TMEM14B: variants seen among roughly 807,000 people sequenced by gnomAD.
The protein encoded by TMEM14B is transmembrane protein 14B.
Under a neutral mutation model 14.8 loss-of-function variants are expected in TMEM14B, and 9 were observed. The observed-to-expected ratio is 0.61, with a 90% CI of 0.37 to 1.06. TMEM14B has a LOEUF of 1.06. Among genes scored for constraint, TMEM14B ranks in the 50% least tolerant of loss-of-function variants. TMEM14B has a pLI of 0.01. For missense variants in TMEM14B, 128 were observed against 143.6 expected (o/e 0.89, Z 0.56); for synonymous variants, 40 against 51.3 (o/e 0.78, Z 0.94).
At chr6:10,751,282 T>C (rs1771554467) in intron 4 of TMEM14B, 48 bp downstream of exon 4, 4 of 1,599,722 alleles carry the variant, frequency 2.5e-6, no homozygotes, top group Admixed American at 1.7e-5. Context: ...ATCTGGAATA[T>C]TCTTTTCCAA....
In TMEM14B at chr6:10,756,538, T is replaced by C; in HGVS notation, c.*20T>C. The C allele has an allele frequency of 6.2e-7, 1 of 1,611,354 alleles. No homozygotes were observed. The highest frequency in any genetic ancestry group is 8.5e-7 in the Non-Finnish European group (1 of 1,179,000). ...GATTAGCAGAAGTCATGTTCCAGCTTGGACTCATGAAGGATTAAAAATCTG... is the reference window on the plus strand; with the variant it reads ...GATTAGCAGAAGTCATGTTCCAGCTCGGACTCATGAAGGATTAAAAATCTG... On this transcript the variant is annotated 3_prime_UTR_variant, in exon 6 of 6. Transcript: ENST00000379542.
At chr6:10,750,601 C>T (rs1435066946) in intron 3 of TMEM14B, among the ~76,000 whole-genome samples, 1 of 152,008 alleles carries the variant, frequency 6.6e-6, no homozygotes, top group Non-Finnish European at 1.5e-5. Flanking sequence ...GGACGAATTC[C>T]TGGGAACTGC....
At chr6:10,757,014 C>T (rs1030286638), downstream of TMEM14B, 2 of 976,766 alleles carry the variant, frequency 2.0e-6, no homozygotes, top group African/African-American at 3.5e-5. Flanking sequence ...CAGAGCTGGT[C>T]TAGTTCATAG....
rs755684722 is a variant in TMEM14B at position 10,755,214 on chromosome 6, G to A, written c.275G>A (p.Gly92Asp). ...TACTATGGAAAATTCATGCCTGTAG[G>A]TTTAATTGCAGGTGCCAGGTACTTT... is the stretch of plus-strand genomic sequence containing the variant. Reference protein sequence around the residue: ...SYYYGKFMPVGLIAGASLLMA... With the variant: ...SYYYGKFMPVDLIAGASLLMA... The change falls in exon 5 of 6, where the codon GGT (glycine) becomes GAT (aspartate). Residue 92 changes from glycine to aspartate, a missense_variant. Physicochemically the swap from Gly to Asp is moderately conservative, Grantham distance 94 (BLOSUM62 -1). Transcript: ENST00000379542. 4 of 1,614,188 alleles carry A rather than the reference G, an allele frequency of 2.5e-6. No individual in the cohort carries two copies. The highest frequency in any genetic ancestry group is 3.3e-5 in the Admixed American group (2 of 60,018).
chr6:10,748,761 A>C (rs1771433132), intron 1 of TMEM14B, among the ~76,000 whole-genome samples: 1 of 152,190 alleles, frequency 6.6e-6, no homozygotes, highest in South Asian at 2.1e-4. Flanking sequence ...GTTTCTAAAA[A>C]AAAAAATTGA....
chr6:10,753,851 C>T (rs963223478), intron 4 of TMEM14B, among the ~76,000 whole-genome samples: 6 of 151,964 alleles, frequency 3.9e-5, no homozygotes, highest in African/African-American at 1.5e-4. Flanking sequence ...GCACAGCCAT[C>T]GTCCTAGTCC....
intron 5 of TMEM14B, among the ~76,000 whole-genome samples, chr6:10,756,079 G>C (rs937327761): frequency 1.3e-5 from 2 of 152,188 alleles, no homozygotes; most frequent in African/African-American, 4.8e-5. Flanking sequence ...GATGCTGCCA[G>C]TATAATATTT....
chr6:10,753,468 C>G (rs891311108), intron 4 of TMEM14B, among the ~76,000 whole-genome samples: 2 of 152,180 alleles, frequency 1.3e-5, no homozygotes, highest in South Asian at 2.1e-4. Context: ...TTTATCCTCT[C>G]ATTCTCTTTT....
intron 4 of TMEM14B, 142 bp downstream of exon 4, chr6:10,751,376 A>G (rs1259998326): frequency 3.4e-6 from 3 of 889,626 alleles, no homozygotes; most frequent in Non-Finnish European, 5.1e-6. Flanking sequence ...CAAGTCCTCA[A>G]AGTTTTAAAA....
chr6:10,753,855 C>G lies in TMEM14B; in HGVS notation c.203-1287C>G, dbSNP rs570578130. On this transcript the variant is annotated intron_variant, in intron 4 of 5. Transcript: ENST00000379542. The stretch of plus-strand genomic sequence containing the variant: ...CTTTTTCATCTGCACAGCCATCGTC[C>G]TAGTCCCAGTTATCCCCTCTTTCTT... 6.6e-5 allele frequency among the ~76,000 whole-genome samples: 10 copies of G among 152,076 alleles called. 1 individual carries two copies. Among genetic ancestry groups the G allele is most frequent in the African/African-American group, 2.4e-4 (10 of 41,342 alleles).
chr6:10,748,268 G>A lies in TMEM14B; in HGVS notation c.-45+387G>A, dbSNP rs558328085. ...TCTTTCTTTTTTTGGGGGGTGGGGA[G>A]GGGTTCTCGCTGTGTCGCCCAGCCT... is the stretch of plus-strand genomic sequence containing the variant. On this transcript the variant is annotated intron_variant, in intron 1 of 5. Coordinates refer to ENST00000379542, the MANE Select transcript of TMEM14B (RefSeq NM_030969.5). Among the ~76,000 whole-genome samples the A allele has an allele frequency of 3.9e-5, 6 of 152,124 alleles. No homozygotes were observed. In the East Asian group the frequency reaches 1.2e-3, roughly 29 times the overall value.
chr6:10,754,404 G>C (rs969030916), intron 4 of TMEM14B, among the ~76,000 whole-genome samples: 6 of 152,160 alleles, frequency 3.9e-5, no homozygotes, highest in African/African-American at 1.4e-4. Context: ...CTTTTAGGGT[G>C]AATGTGCCAT....
At chr6:10,757,960 C>T (rs1771861267), downstream of TMEM14B, among the ~76,000 whole-genome samples, 1 of 150,126 alleles carries the variant, frequency 6.7e-6, no homozygotes, top group Non-Finnish European at 1.5e-5. Flanking sequence ...CACTGCACTC[C>T]AACCTGGGCG....
chr6:10,757,492 A>AG (rs1187398209), downstream of TMEM14B, among the ~76,000 whole-genome samples: 2 of 152,182 alleles, frequency 1.3e-5, no homozygotes, highest in Non-Finnish European at 2.9e-5. Context: ...AAAAAGAAGA[A>AG]GAAAAAAAGT....
intron 5 of TMEM14B, chr6:10,755,563 G>T: frequency 7.8e-7 from 1 of 1,285,562 alleles, no homozygotes; most frequent in Non-Finnish European, 9.8e-7. Flanking sequence ...TAGGTGTGTA[G>T]GTGTCTTTTG....
In TMEM14B at chr6:10,755,124, T is replaced by G; in HGVS notation, c.203-18T>G. On this transcript the variant is annotated intron_variant, in intron 4 of 5. Transcript: ENST00000379542. ...TAGAAGACTAATGAGTTTTGACCCTTCTTTGTATCTTTTTCAGCCGCTACA... is the reference window on the plus strand; with the variant it reads ...TAGAAGACTAATGAGTTTTGACCCTGCTTTGTATCTTTTTCAGCCGCTACA... 1.9e-6 allele frequency: 3 copies of G among 1,612,710 alleles called. No individual in the cohort carries two copies. Among genetic ancestry groups the G allele is most frequent in the Non-Finnish European group, 1.7e-6 (2 of 1,179,878 alleles).
chr6:10,757,799 TG>T (rs2127497403), downstream of TMEM14B, among the ~76,000 whole-genome samples: 1 of 152,222 alleles, frequency 6.6e-6, no homozygotes, highest in South Asian at 2.1e-4. Flanking sequence ...GAGACCAGCC[TG>T]GCCAACATGG....
chr6:10,757,777 G>T (rs1472217950), downstream of TMEM14B, among the ~76,000 whole-genome samples: 1 of 152,108 alleles, frequency 6.6e-6, no homozygotes, highest in Non-Finnish European at 1.5e-5. Context: ...GATCACCTGA[G>T]GTCAGGAGTT....
chr6:10,748,910 G>A (rs1028372517), intron 1 of TMEM14B, among the ~76,000 whole-genome samples: 4 of 152,254 alleles, frequency 2.6e-5, no homozygotes, highest in African/African-American at 9.6e-5. Flanking sequence ...TTAATGAAAT[G>A]ACTAACACAT....
Sources: gnomAD v4.1 joint callset for allele counts (sites outside exome capture counted in the v4.1 genomes callset) on GRCh38, gnomAD v4.1.1 for gene constraint, MANE v1.5 for transcripts, NCBI Gene and HGNC (gene_info 2026-07-23, HGNC 2026-07-21) for gene names.